The following RB1CC1 variants were observed in gnomAD, a reference collection of about 807,000 sequenced individuals.
RB1CC1 encodes the protein RB1 inducible coiled-coil 1.
Under a neutral mutation model 177.5 loss-of-function variants are expected in RB1CC1, and 46 were observed. That is an observed-to-expected ratio of 0.26 (90% CI 0.20 to 0.33). The LOEUF is 0.33. RB1CC1 is among the 10% of genes least tolerant of loss of function. RB1CC1 has a pLI of 1.00. For missense variants in RB1CC1, 1,703 were observed against 1,816.3 expected, an observed-to-expected ratio of 0.94 and a Z score of 1.13; for synonymous variants, 666 against 613.6, an observed-to-expected ratio of 1.09 and a Z score of -1.26.
chr8:52,683,877 G>C lies in RB1CC1; in HGVS notation c.198+10C>G. ...TGCATTCTTGTGTGAAAGGACTCTT[G>C]AATACCTACCGTCCCAGCACTGTAG... On this transcript the variant is annotated intron_variant, in intron 4 of 23. Coordinates refer to ENST00000025008, the MANE Select transcript of RB1CC1 (RefSeq NM_014781.5). 6.2e-7 allele frequency: 1 copy of C among 1,611,450 alleles called. No homozygotes were observed. The highest frequency in any genetic ancestry group is 8.5e-7 in the Non-Finnish European group (1 of 1,179,346).
intron 15 of RB1CC1, among the ~76,000 whole-genome samples, chr8:52,652,308 T>C (rs894817068): frequency 2.6e-5 from 4 of 151,776 alleles, no homozygotes; most frequent in African/African-American, 7.3e-5. Flanking sequence ...CTACTAAAAA[T>C]ACAACAAATT....
At chr8:52,630,348 C>A in intron 21 of RB1CC1, 122 bp downstream of exon 21, 3 of 1,196,940 alleles carry the variant, frequency 2.5e-6, no homozygotes, top group East Asian at 3.0e-5. Flanking sequence ...TTTACTACTA[C>A]TGAGTGCAAA....
chr8:52,625,021 AT>A (rs1458975451), intron 22 of RB1CC1, among the ~76,000 whole-genome samples: 4 of 152,150 alleles, frequency 2.6e-5, no homozygotes, highest in African/African-American at 9.6e-5. Flanking sequence ...TATACATGAT[AT>A]GTCAAATCAC....
chr8:52,649,683 T>A (rs1347092372), intron 15 of RB1CC1, among the ~76,000 whole-genome samples: 2 of 152,116 alleles, frequency 1.3e-5, no homozygotes, highest in African/African-American at 4.8e-5. Flanking sequence ...AATTACAAAA[T>A]TAAAATGCTC....
intron 5 of RB1CC1, among the ~76,000 whole-genome samples, chr8:52,678,779 T>G (rs963415360): frequency 6.6e-6 from 1 of 152,224 alleles, no homozygotes; most frequent in Non-Finnish European, 1.5e-5. Flanking sequence ...TACAATGATA[T>G]GAATGTAAAG....
At chr8:52,635,557 TCA>T (rs1041905130) in intron 19 of RB1CC1, among the ~76,000 whole-genome samples, 7 of 152,298 alleles carry the variant, frequency 4.6e-5, no homozygotes, top group Admixed American at 6.5e-5. Context: ...CCCTTTATTA[TCA>T]GTTTTTTCTT....
intron 15 of RB1CC1, among the ~76,000 whole-genome samples, chr8:52,647,633 A>C (rs892472717): frequency 1.3e-5 from 2 of 152,194 alleles, no homozygotes; most frequent in Non-Finnish European, 2.9e-5. Context: ...CCTTGAAGAA[A>C]TCTCCACAGT....
At position 52,623,204 on chromosome 8, in the gene RB1CC1, CTT is replaced by C. The variant is rs5891475; in HGVS notation, c.*576_*577del. On this transcript the variant is annotated 3_prime_UTR_variant, in exon 24 of 24. Coordinates refer to ENST00000025008, the MANE Select transcript of RB1CC1 (RefSeq NM_014781.5). ...AAATCAGTCAATCAAATTACAGTTCCTTTTTTTTTTTGAAACATCAAAGGGCA... is the reference window on the plus strand; with the variant it reads ...AAATCAGTCAATCAAATTACAGTTCCTTTTTTTTTGAAACATCAAAGGGCA... 2.7e-5 allele frequency: 4 copies of C among 148,644 alleles called. No individual in the cohort carries two copies. The highest frequency in any genetic ancestry group is 2.0e-4 in the South Asian group (1 of 4,912). 9.2% of individuals were successfully genotyped at this position (148,644 alleles called of 1,614,324 possible). A position where few individuals can be genotyped will look rare whatever the true frequency, so the allele number is the denominator to read the frequency against.
At position 52,669,698 on chromosome 8, in the gene RB1CC1, G is replaced by A. The variant is rs186299943; in HGVS notation, c.1003-1507C>T. ...TGTGGTAACTGAGTCCAATGTGTATGTATTTCTACACCAGAGTACTATGCA... is the reference window on the plus strand; with the variant it reads ...TGTGGTAACTGAGTCCAATGTGTATATATTTCTACACCAGAGTACTATGCA... On this transcript the variant is annotated intron_variant, in intron 7 of 23. Transcript: ENST00000025008. Among the ~76,000 whole-genome samples the A allele has an allele frequency of 1.1e-3, 161 of 152,232 alleles. 3 individuals are homozygous for A. The highest frequency in any genetic ancestry group is 3.8e-3 in the African/African-American group (156 of 41,524).
At chr8:52,627,963 A>G (rs543323184) in intron 22 of RB1CC1, 69 bp downstream of exon 22, 1 of 1,372,564 alleles carries the variant, frequency 7.3e-7, no homozygotes, top group Admixed American at 2.9e-5. Flanking sequence ...TAAACAGGGA[A>G]AAAAAAATCT....
intron 8 of RB1CC1, 37 bp downstream of exon 8, chr8:52,667,984 T>C (rs1298466893): frequency 1.9e-6 from 3 of 1,578,514 alleles, no homozygotes; most frequent in Admixed American, 1.9e-5. Flanking sequence ...AAAAAAACTA[T>C]AAATTCCTTT....
rs374458983 is a variant in RB1CC1, at chr8:52,701,689, G to A, written c.-167+12386C>T. Among the ~76,000 whole-genome samples, 5 of 151,462 alleles carry A rather than the reference G, an allele frequency of 3.3e-5. No individual in the cohort carries two copies. In the South Asian group the frequency reaches 6.3e-4, roughly 19 times the overall value. On this transcript the variant is annotated intron_variant, in intron 1 of 23. Coordinates refer to ENST00000025008, the MANE Select transcript of RB1CC1 (RefSeq NM_014781.5). The stretch of plus-strand genomic sequence containing the variant: ...ATTACAGGTGTGACTCACCATGCTC[G>A]GCCAGATCATCACTTTTCTGTCACT...
chr8:52,706,475 C>CAGA (rs753584428), intron 1 of RB1CC1, among the ~76,000 whole-genome samples: 55 of 151,352 alleles, frequency 3.6e-4, no homozygotes, highest in Non-Finnish European at 6.5e-4. Context: ...CTCCCAGGTT[C>CAGA]AAGAGATTCT....
intron 15 of RB1CC1, among the ~76,000 whole-genome samples, chr8:52,649,625 G>A (rs1850390702): frequency 6.6e-6 from 1 of 152,134 alleles, no homozygotes; most frequent in Admixed American, 6.5e-5. Context: ...AACAGAGTGA[G>A]ACTCCGTCTC....
rs755795912 is a variant in RB1CC1, at chr8:52,658,016, A to T, written c.1902T>A (p.Asp634Glu). 6.2e-7 allele frequency: 1 copy of T among 1,614,060 alleles called. No homozygotes were observed. The highest frequency in any genetic ancestry group is 8.5e-7 in the Non-Finnish European group (1 of 1,179,992). ...AATTTGCCTTTTGTTCACTCAGTAG[A>T]TCTGTAATGGTCTGTGACATTTCAT... The part of the protein sequence containing the change: ...SLDEMSQTIT[D>E]LLSEQKASVS... Residue 634 changes from aspartate (D) to glutamate (E), a missense_variant, in exon 14 of 24, where the codon GAT becomes GAA. Transcript: ENST00000025008.
chr8:52,628,288 T>C, intron 21 of RB1CC1, 120 bp from the exon 22 acceptor site: 1 of 1,026,600 alleles, frequency 9.7e-7, no homozygotes, highest in Admixed American at 2.6e-5. Flanking sequence ...ATATTAAATT[T>C]CACATTTACA....
chr8:52,628,982 A>C (rs1331442062), intron 21 of RB1CC1, among the ~76,000 whole-genome samples: 1 of 152,226 alleles, frequency 6.6e-6, no homozygotes, highest in East Asian at 1.9e-4. Context: ...TAAATGCCAA[A>C]AGCTAATAAC....
intron 21 of RB1CC1, among the ~76,000 whole-genome samples, chr8:52,629,080 A>G (rs1214664129): frequency 6.6e-6 from 1 of 152,132 alleles, no homozygotes. Context: ...ACATTAATGA[A>G]CGGCCCATTG....
chr8:52,697,296 A>AT (rs1491107728), intron 1 of RB1CC1, among the ~76,000 whole-genome samples: 1 of 105,490 alleles, frequency 9.5e-6, no homozygotes, highest in Non-Finnish European at 2.0e-5. Context: ...AATGGTTACT[A>AT]AAAAAAAAAA....
Sources: allele counts gnomAD v4.1 joint callset (sites outside exome capture counted in the v4.1 genomes callset), GRCh38; gene constraint gnomAD v4.1.1; transcripts MANE v1.5; gene names NCBI Gene and HGNC (gene_info 2026-07-23, HGNC 2026-07-21).